Variants in PRKD2 observed in about 807,000 individuals in gnomAD.
PRKD2 encodes protein kinase D2.
In PRKD2, 22 loss-of-function variants were observed where a neutral mutation model predicts 86.0. The ratio of observed to expected loss-of-function variants is 0.26; its 90% CI spans 0.18 to 0.37. The LOEUF is 0.37. Ranked by LOEUF, PRKD2 falls within the 10% of genes least tolerant of loss-of-function variation. The probability of loss-of-function intolerance (pLI) is 1.00; values close to 1 mark genes in which losing one functional copy is unlikely to be tolerated. For missense variants in PRKD2, 818 were observed against 1,199.2 expected (o/e 0.68, Z 4.70); for synonymous variants, 509 against 510.9 (o/e 1.00, Z 0.05).
intron 15 of PRKD2, 67 bp downstream of exon 15, chr19:46,681,583 T>TGGCCC: frequency 8.9e-6 from 6 of 671,506 alleles, no homozygotes; most frequent in Non-Finnish European, 1.0e-5. Flanking sequence ...ATAATCCCCT[T>TGGCCC]CCCCACCCCC....
At chr19:46,696,699 G>A (rs1042941082) in intron 9 of PRKD2, among the ~76,000 whole-genome samples, 1 of 152,092 alleles carries the variant, frequency 6.6e-6, no homozygotes, top group African/African-American at 2.4e-5. Context: ...AGGTTGCAGT[G>A]AGCCGAGATC....
chr19:46,676,644 C>A (rs2053207939), intron 16 of PRKD2, among the ~76,000 whole-genome samples: 1 of 152,246 alleles, frequency 6.6e-6, no homozygotes, highest in South Asian at 2.1e-4. Flanking sequence ...CTGGTGCACA[C>A]AGGCACCCTG....
intron 14 of PRKD2, 62 bp downstream of exon 14, chr19:46,689,475 G>A: frequency 6.5e-7 from 1 of 1,529,622 alleles, no homozygotes. Flanking sequence ...TAGGCATACA[G>A]GGCCTCTCCA....
intron 3 of PRKD2, among the ~76,000 whole-genome samples, chr19:46,708,235 G>A (rs1033811344): frequency 6.6e-6 from 1 of 151,790 alleles, no homozygotes; most frequent in Non-Finnish European, 1.5e-5. Flanking sequence ...ATCTGGAGAC[G>A]GTGCCTTTAT....
intron 2 of PRKD2, among the ~76,000 whole-genome samples, chr19:46,712,398 A>C (rs1345645843): frequency 6.6e-6 from 1 of 150,564 alleles, no homozygotes; most frequent in East Asian, 2.0e-4. Flanking sequence ...AAAATTAGCC[A>C]CGTGTGGTAG....
chr19:46,712,074 AG>A (rs2053817308), intron 2 of PRKD2, among the ~76,000 whole-genome samples: 2 of 147,520 alleles, frequency 1.4e-5, no homozygotes, highest in Admixed American at 6.7e-5. Context: ...TCTAAAAAAA[AG>A]AAAAAAAAAA....
intron 3 of PRKD2, among the ~76,000 whole-genome samples, chr19:46,706,149 G>A (rs925738566): frequency 6.6e-6 from 1 of 152,208 alleles, no homozygotes; most frequent in Non-Finnish European, 1.5e-5. Flanking sequence ...ACAGGCATGA[G>A]CCACTGTGCC....
chr19:46,683,939 T>TA (rs544899784), intron 14 of PRKD2, among the ~76,000 whole-genome samples: 14 of 150,290 alleles, frequency 9.3e-5, no homozygotes, highest in African/African-American at 1.5e-4. Flanking sequence ...GTGAGCTGAT[T>TA]AAAAAAAAAA....
Position 46,704,168 on chromosome 19 carries a change from C to G in PRKD2, c.889+1G>C, listed in dbSNP as rs1297233339. ...TGTCCTCCCCGACAGGCCCAGCTAACCTTTGCATTGCAGGCCCTGCCGGAA... is the reference window on the plus strand; with the variant it reads ...TGTCCTCCCCGACAGGCCCAGCTAAGCTTTGCATTGCAGGCCCTGCCGGAA... On this transcript the variant is annotated splice_donor_variant, in intron 5 of 17. Coordinates refer to ENST00000291281, the MANE Select transcript of PRKD2 (RefSeq NM_016457.5). LOFTEE classifies it high-confidence loss of function. The G allele has an allele frequency of 6.2e-7, 1 of 1,613,742 alleles. No individual in the cohort carries two copies. Among genetic ancestry groups the G allele is most frequent in the Non-Finnish European group, 8.5e-7 (1 of 1,179,928 alleles).
chr19:46,685,331 T>G (rs567007225), intron 14 of PRKD2: 2 of 151,682 alleles, frequency 1.3e-5, no homozygotes, highest in Non-Finnish European at 2.9e-5. Flanking sequence ...AAATCTTGGC[T>G]GGAAAGCTAC....
intron 2 of PRKD2, 112 bp from the exon 3 acceptor site, chr19:46,711,150 C>T: frequency 1.4e-6 from 2 of 1,386,768 alleles, no homozygotes; most frequent in Non-Finnish European, 1.9e-6. Flanking sequence ...GTGATCTTTC[C>T]TTCCTTCCTT....
At position 46,674,445 on chromosome 19, in the gene PRKD2, T is replaced by C. The variant is rs990784054; in HGVS notation, c.*78A>G. Reference sequence around the variant, plus strand: ...CCATCCAGTTTGGGCAGGAAGCCACTTTCCCTAGAACAGTTCATTGCTGGG... The same window carrying C: ...CCATCCAGTTTGGGCAGGAAGCCACCTTCCCTAGAACAGTTCATTGCTGGG... On this transcript the variant is annotated 3_prime_UTR_variant, in exon 18 of 18. Coordinates refer to ENST00000291281, the MANE Select transcript of PRKD2 (RefSeq NM_016457.5). The C allele has an allele frequency of 4.8e-6, 7 of 1,460,278 alleles. No homozygotes were observed. The highest frequency in any genetic ancestry group is 1.4e-5 in the South Asian group (1 of 72,308). The allele number at this position is 1,460,278 out of a possible 1,614,324, so 90.5% of individuals were successfully genotyped here.
At chr19:46,711,246 G>A (rs2053804590) in intron 2 of PRKD2, among the ~76,000 whole-genome samples, 2 of 152,210 alleles carry the variant, frequency 1.3e-5, no homozygotes, top group Admixed American at 1.3e-4. Flanking sequence ...GCCCTGGGCA[G>A]GGACAGAGCG....
At chr19:46,688,866 G>C (rs1321825991) in intron 14 of PRKD2, 2 of 151,902 alleles carry the variant, frequency 1.3e-5, no homozygotes, top group South Asian at 2.1e-4. Context: ...TCCCACTACT[G>C]ATCAGTAAGA....
intron 3 of PRKD2, among the ~76,000 whole-genome samples, chr19:46,705,792 A>AT (rs1044371102): frequency 1.3e-5 from 2 of 151,634 alleles, no homozygotes; most frequent in Non-Finnish European, 2.9e-5. Context: ...GTTTCAAAAA[A>AT]AAAAAAAGAG....
At chr19:46,682,777 C>T (rs1029575291) in intron 14 of PRKD2, among the ~76,000 whole-genome samples, 64 of 149,208 alleles carry the variant, frequency 4.3e-4, no homozygotes, top group African/African-American at 1.3e-3. Context: ...GGGATCACAG[C>T]TCACTGCACC....
intron 7 of PRKD2, among the ~76,000 whole-genome samples, chr19:46,700,099 C>A (rs112445263): frequency 0.37 from 39,773 of 107,998 alleles, 6,425 homozygotes; most frequent in African/African-American, 0.6. Flanking sequence ...GTAGCTGGGC[C>A]TGGGCGGGTG....
At position 46,678,846 on chromosome 19, in the gene PRKD2, C is replaced by T. The variant is rs2053253315; in HGVS notation, c.2071-183G>A. On this transcript the variant is annotated intron_variant, in intron 15 of 17. Coordinates refer to ENST00000291281, the MANE Select transcript of PRKD2 (RefSeq NM_016457.5). This position sits in a 1 kb window ranked among gnomAD's most constrained non-coding sequence, Gnocchi z 5.7. ...CTTCCCCCCTCTGTGCCTCAGTTTC[C>T]CCATCTATAGGAAGAAGAGCAGAAG... 6.6e-6 allele frequency among the ~76,000 whole-genome samples: 1 copy of T among 152,088 alleles called. No individual in the cohort carries two copies. The highest frequency in any genetic ancestry group is 1.5e-5 in the Non-Finnish European group (1 of 68,016).
In PRKD2 at chr19:46,674,596, C is replaced by A; in HGVS notation, c.2564G>T (p.Arg855Met). 1 of 1,610,934 alleles carries A rather than the reference C, an allele frequency of 6.2e-7. No homozygotes were observed. The highest frequency in any genetic ancestry group is 2.2e-5 in the East Asian group (1 of 44,872). Residue 855 changes from arginine (R) to methionine (M), a missense_variant, in exon 18 of 18, where the codon AGG (arginine) becomes ATG (methionine). By Grantham distance (91) the Arg-to-Met change is moderately conservative (BLOSUM62 -1). Transcript: ENST00000291281. Reference protein sequence around the residue: ...PLPGSGLPTDRDLGGACPPQD... With the variant: ...PLPGSGLPTDMDLGGACPPQD... ...TGGTGGACAGGCCCCACCGAGATCCCTGTCCGTGGGCAGCCCAGACCCAGG... is the reference window on the plus strand; with the variant it reads ...TGGTGGACAGGCCCCACCGAGATCCATGTCCGTGGGCAGCCCAGACCCAGG...
Sources: gnomAD v4.1 joint callset for allele counts (sites outside exome capture counted in the v4.1 genomes callset) on GRCh38, gnomAD v4.1.1 for gene constraint, Gnocchi (gnomAD v3.1) non-coding constraint, MANE v1.5 for transcripts, NCBI Gene and HGNC (gene_info 2026-07-23, HGNC 2026-07-21) for gene names.